The following TJP1 variants were observed in gnomAD, a reference collection of about 807,000 sequenced individuals.
TJP1 encodes the protein tight junction protein ZO-1.
TJP1 carries 43 observed loss-of-function variants against 194.2 expected under a neutral mutation model. The ratio of observed to expected loss-of-function variants is 0.22; its 90% CI spans 0.17 to 0.29. The LOEUF (loss-of-function observed/expected upper bound fraction) is 0.29, where lower values mean the gene tolerates loss of function less well. Among genes scored for constraint, TJP1 ranks in the 10% least tolerant of loss-of-function variants. The probability of loss-of-function intolerance (pLI) is 1.00; values close to 1 mark genes in which losing one functional copy is unlikely to be tolerated. For synonymous variants in TJP1, 801 were observed against 779.0 expected, an observed-to-expected ratio of 1.03 and a Z score of -0.47; for missense variants, 1,971 against 2,185.7, an observed-to-expected ratio of 0.90 and a Z score of 1.96.
chr15:29,753,279 C>T (rs1390352392), intron 8 of TJP1, among the ~76,000 whole-genome samples: 2 of 151,598 alleles, frequency 1.3e-5, no homozygotes, highest in Admixed American at 6.6e-5. Flanking sequence ...GTCAGGAGAT[C>T]GAGACCATCC....
chr15:29,936,740 A>G (rs536967279), intron 2 of TJP1, among the ~76,000 whole-genome samples: 225 of 152,296 alleles, frequency 1.5e-3, no homozygotes, highest in African/African-American at 5.2e-3. Context: ...CCGTGCTCCC[A>G]AATTCATGTC....
At chr15:29,812,221 T>C (rs912500983) in intron 1 of TJP1, among the ~76,000 whole-genome samples, 1 of 152,252 alleles carries the variant, frequency 6.6e-6, no homozygotes, top group Non-Finnish European at 1.5e-5. Flanking sequence ...ACTTGACCTC[T>C]CTGTGCAGGA....
intron 8 of TJP1, among the ~76,000 whole-genome samples, chr15:29,745,916 C>T (rs551589621): frequency 6.6e-5 from 10 of 152,224 alleles, no homozygotes; most frequent in Non-Finnish European, 1.2e-4. Context: ...AATGTCAGTA[C>T]GAGTCTGGAG....
chr15:29,752,330 T>C (rs1346026200), intron 8 of TJP1, among the ~76,000 whole-genome samples: 1 of 152,216 alleles, frequency 6.6e-6, no homozygotes, highest in Admixed American at 6.5e-5. Context: ...CTTGAACTCC[T>C]GACCTCAAGT....
chr15:29,767,971 T>G (rs2046426320), intron 4 of TJP1, among the ~76,000 whole-genome samples: 1 of 152,194 alleles, frequency 6.6e-6, no homozygotes, highest in African/African-American at 2.4e-5. Context: ...TTTATTTACC[T>G]AAAATCTGTC....
chr15:29,847,151 G>A (rs902582657), intron 2 of TJP1, among the ~76,000 whole-genome samples: 4 of 152,060 alleles, frequency 2.6e-5, no homozygotes, highest in South Asian at 4.2e-4. Context: ...CACCCAGGCT[G>A]GAGTACAGTG....
At chr15:29,756,545 A>G (rs972930083) in intron 8 of TJP1, among the ~76,000 whole-genome samples, 2 of 152,190 alleles carry the variant, frequency 1.3e-5, no homozygotes, top group Non-Finnish European at 2.9e-5. Flanking sequence ...TGCCAACTCC[A>G]GTTCTAGACA....
intron 2 of TJP1, among the ~76,000 whole-genome samples, chr15:29,902,729 C>A (rs7174936): frequency 0.044 from 6,729 of 152,112 alleles, 452 homozygotes; most frequent in African/African-American, 0.14. Context: ...GTATGCTATT[C>A]ACCTCTAAAG....
At chr15:29,722,830 C>A (rs1019896204) in intron 18 of TJP1, among the ~76,000 whole-genome samples, 5 of 152,176 alleles carry the variant, frequency 3.3e-5, no homozygotes, top group African/African-American at 1.2e-4. Context: ...GGTAGCTCAC[C>A]CCTTGCATCA....
At chr15:29,860,993 ATT>A (rs1729725586) in intron 2 of TJP1, among the ~76,000 whole-genome samples, 1 of 152,252 alleles carries the variant, frequency 6.6e-6, no homozygotes, top group African/African-American at 2.4e-5. Context: ...AACGAAAAGA[ATT>A]GTGTGATTCA....
chr15:29,867,459 G>A (rs145714231), intron 2 of TJP1, among the ~76,000 whole-genome samples: 1,744 of 152,266 alleles, frequency 0.011, 30 homozygotes, highest in African/African-American at 0.04. Context: ...TGGCTCCAAC[G>A]TGGCCCATGT....
chr15:29,953,051 T>C (rs939089173), intron 2 of TJP1, among the ~76,000 whole-genome samples: 2 of 152,016 alleles, frequency 1.3e-5, no homozygotes, highest in African/African-American at 4.8e-5. Context: ...CAATTCTGAA[T>C]ACCTTTCATC....
chr15:29,777,029 C>CA (rs2047057413), intron 2 of TJP1, among the ~76,000 whole-genome samples: 1 of 151,936 alleles, frequency 6.6e-6, no homozygotes, highest in East Asian at 1.9e-4. Context: ...TGCCTTCCAC[C>CA]CCCCCCACTC....
intron 2 of TJP1, among the ~76,000 whole-genome samples, chr15:29,895,156 T>C (rs1295419438): frequency 2.0e-5 from 3 of 152,210 alleles, no homozygotes; most frequent in Non-Finnish European, 4.4e-5. Context: ...CACACCAATC[T>C]CATCAAAGAG....
At chr15:29,707,166 C>G (rs1284633053) in intron 25 of TJP1, among the ~76,000 whole-genome samples, 2 of 152,168 alleles carry the variant, frequency 1.3e-5, no homozygotes, top group East Asian at 3.9e-4. Flanking sequence ...CCCAAACATC[C>G]ACGAAAGAGA....
intron 2 of TJP1, among the ~76,000 whole-genome samples, chr15:29,924,049 T>C (rs2054450390): frequency 6.6e-6 from 1 of 152,214 alleles, no homozygotes; most frequent in African/African-American, 2.4e-5. Context: ...AAATTTCTTA[T>C]CCTTTAATTC....
chr15:29,803,383 T>C (rs2048910937), intron 1 of TJP1, among the ~76,000 whole-genome samples: 2 of 152,142 alleles, frequency 1.3e-5, no homozygotes, highest in South Asian at 2.1e-4. Flanking sequence ...TTCAACACTT[T>C]ATTGTGAAGT....
chr15:29,839,084 C>T (rs951500136), intron 2 of TJP1, among the ~76,000 whole-genome samples: 27 of 148,306 alleles, frequency 1.8e-4, no homozygotes, highest in Non-Finnish European at 3.3e-4. Flanking sequence ...CTGCAAGCTC[C>T]GCCTCCCGGG....
intron 2 of TJP1, among the ~76,000 whole-genome samples, chr15:29,848,331 C>T (rs537161785): frequency 1.3e-5 from 2 of 152,110 alleles, no homozygotes; most frequent in Non-Finnish European, 2.9e-5. Flanking sequence ...TAATTGTGGG[C>T]TTGTCTAGGT....
Sources: allele counts gnomAD v4.1 joint callset (sites outside exome capture counted in the v4.1 genomes callset), GRCh38; gene constraint gnomAD v4.1.1; transcripts MANE v1.5; gene names NCBI Gene and HGNC (gene_info 2026-07-23, HGNC 2026-07-21).